Variants in EEF2KMT observed in about 807,000 individuals in gnomAD.
The protein encoded by EEF2KMT is protein-lysine N-methyltransferase EEF2KMT.
In EEF2KMT, 30 loss-of-function variants were observed where a neutral mutation model predicts 35.1. The observed-to-expected ratio is 0.85, with a 90% CI of 0.64 to 1.16. The LOEUF (loss-of-function observed/expected upper bound fraction) is 1.16, where lower values mean the gene tolerates loss of function less well. EEF2KMT is among the 50% of genes most tolerant of loss of function. The probability of loss-of-function intolerance (pLI) is 0.00; values close to 1 mark genes in which losing one functional copy is unlikely to be tolerated. For missense variants in EEF2KMT, 499 were observed against 438.2 expected (o/e 1.14, Z -1.24); for synonymous variants, 190 against 187.7 (o/e 1.01, Z -0.10).
At chr16:5,091,040 A>T (rs1018670302) in intron 4 of EEF2KMT, among the ~76,000 whole-genome samples, 1 of 151,606 alleles carries the variant, frequency 6.6e-6, no homozygotes, top group African/African-American at 2.4e-5. Context: ...TCAGCCGCCC[A>T]GGTAGCTGCG....
intron 7 of EEF2KMT, among the ~76,000 whole-genome samples, chr16:5,087,531 G>C (rs1000952792): frequency 6.6e-6 from 1 of 152,178 alleles, no homozygotes; most frequent in East Asian, 1.9e-4. Flanking sequence ...GGGCGCAGTA[G>C]CTCACGCCCG....
rs201284490 is a variant in EEF2KMT, at chr16:5,091,892, C to T, written c.244G>A (p.Glu82Lys). ...TCCAAAGGCTCTGTGTGGACAGCCT[C>T]GTGCTGGGGGCAGACAGAGTGAGAG... ...CFLSELIKKH[E>K]AVHTEPLDEL... The change falls in exon 4 of 8, where the codon GAG (glutamate) becomes AAG (lysine). Residue 82 changes from glutamate to lysine, a missense_variant. By Grantham distance (56) the Glu-to-Lys change is moderately conservative (BLOSUM62 1). Coordinates refer to ENST00000427587, the MANE Select transcript of EEF2KMT (RefSeq NM_201400.4). 301 of 1,611,808 alleles carry T rather than the reference C, an allele frequency of 1.9e-4. 3 individuals are homozygous for T. The highest frequency in any genetic ancestry group is 1.7e-3 in the South Asian group (152 of 90,978).
Position 5,085,695 on chromosome 16 carries a change from A to G in EEF2KMT, c.930T>C (p.His310=), listed in dbSNP as rs1301894696. ...CTTCGTAGGGAAACAGTTTCTGCTC[A>G]TGACGAGGTTCCACTTCCCATCTGA... The part of the protein sequence containing the change: ...AGIRWEVEPR[H]EQKLFPYEEH... Residue 310 remains histidine, a synonymous_variant, in exon 8 of 8, where the codon CAT becomes CAC. Transcript: ENST00000427587. The G allele has an allele frequency of 2.5e-6, 4 of 1,611,798 alleles. No individual in the cohort carries two copies. The highest frequency in any genetic ancestry group is 3.4e-6 in the Non-Finnish European group (4 of 1,179,804).
Position 5,085,605 on chromosome 16 carries a change from C to G in EEF2KMT, c.*27G>C. ...TCCCATGAGAGTGACTTGATTCTCA[C>G]AATCCCGTTGGAGTCGTGTGTGAGT... On this transcript the variant is annotated 3_prime_UTR_variant, in exon 8 of 8. Transcript: ENST00000427587. The G allele has an allele frequency of 6.7e-7, 1 of 1,489,338 alleles. No homozygotes were observed. Among genetic ancestry groups the G allele is most frequent in the East Asian group, 2.3e-5 (1 of 44,300 alleles). 92.3% of individuals were successfully genotyped at this position (1,489,338 alleles called of 1,614,324 possible).
At chr16:5,095,959 C>T (rs1347359554) in intron 1 of EEF2KMT, among the ~76,000 whole-genome samples, 9 of 152,090 alleles carry the variant, frequency 5.9e-5, no homozygotes, top group Non-Finnish European at 1.3e-4. Context: ...TGGTATGTGA[C>T]ACAGGGCAAG....
Position 5,085,673 on chromosome 16 carries a change from C to T in EEF2KMT, c.952G>A (p.Glu318Lys), listed in dbSNP as rs867696905. Reference sequence around the variant, plus strand: ...AGCATTGCCATCTCCAAGTGCTCTTCGTAGGGAAACAGTTTCTGCTCATGA... The same window carrying T: ...AGCATTGCCATCTCCAAGTGCTCTTTGTAGGGAAACAGTTTCTGCTCATGA... ...PRHEQKLFPYEEHLEMAMLNL... is the reference protein window; with the variant it reads ...PRHEQKLFPYKEHLEMAMLNL... Residue 318 changes from glutamate to lysine, a missense_variant, in exon 8 of 8, where the codon GAA (glutamate) becomes AAA (lysine). By Grantham distance (56) the Glu-to-Lys change is moderately conservative. Transcript: ENST00000427587. The T allele has an allele frequency of 5.0e-6, 8 of 1,611,672 alleles. No individual in the cohort carries two copies. Among genetic ancestry groups the T allele is most frequent in the East Asian group, 4.5e-5 (2 of 44,886 alleles).
chr16:5,091,630 C>G (rs145071735), intron 4 of EEF2KMT, among the ~76,000 whole-genome samples, 164 bp downstream of exon 4: 38 of 152,312 alleles, frequency 2.5e-4, no homozygotes, highest in African/African-American at 8.7e-4. Context: ...GTTGAAGTGC[C>G]TGATTTACAG....
chr16:5,091,902 G>T lies in EEF2KMT; in HGVS notation c.241-7C>A, dbSNP rs1567180198. ...CTGTGTGGACAGCCTCGTGCTGGGGGCAGACAGAGTGAGAGCTTGTTTGCT... is the reference window on the plus strand; with the variant it reads ...CTGTGTGGACAGCCTCGTGCTGGGGTCAGACAGAGTGAGAGCTTGTTTGCT... On this transcript the variant is annotated splice_region_variant and splice_polypyrimidine_tract_variant and intron_variant, in intron 3 of 7. Transcript: ENST00000427587. 1 of 1,611,706 alleles carries T rather than the reference G, an allele frequency of 6.2e-7. No individual in the cohort carries two copies. The highest frequency in any genetic ancestry group is 1.7e-5 in the Admixed American group (1 of 59,992).
intron 3 of EEF2KMT, among the ~76,000 whole-genome samples, chr16:5,092,617 G>A (rs2142772120): frequency 6.6e-6 from 1 of 152,324 alleles, no homozygotes; most frequent in South Asian, 2.1e-4. Flanking sequence ...GCCTACTGAG[G>A]AGGCCTCTCG....
intron 6 of EEF2KMT, 149 bp downstream of exon 6, chr16:5,089,935 G>A (rs1957304823): frequency 2.1e-6 from 3 of 1,415,092 alleles, no homozygotes; most frequent in Middle Eastern, 2.5e-4. Context: ...CCTGTCCTGT[G>A]ATGTCACCCT....
intron 7 of EEF2KMT, among the ~76,000 whole-genome samples, chr16:5,088,530 G>A (rs1170407379): frequency 1.2e-4 from 18 of 152,254 alleles, no homozygotes; most frequent in African/African-American, 3.9e-4. Flanking sequence ...GCGGGAGCTC[G>A]GGGGTCTCTT....
At chr16:5,093,425 C>T in intron 3 of EEF2KMT, 59 bp downstream of exon 3, 2 of 1,610,212 alleles carry the variant, frequency 1.2e-6, no homozygotes, top group Admixed American at 1.7e-5. Flanking sequence ...AGGACGGGGG[C>T]TCCAGCACGC....
intron 7 of EEF2KMT, 25 bp downstream of exon 7, chr16:5,089,082 G>A (rs963865129): frequency 6.2e-7 from 1 of 1,611,838 alleles, no homozygotes; most frequent in Admixed American, 1.7e-5. Context: ...GGACCATGCA[G>A]GCCCGGGTGG....
Position 5,090,700 on chromosome 16 carries a change from G to C in EEF2KMT, c.343-135C>G. 1 of 1,235,572 alleles carries C rather than the reference G, an allele frequency of 8.1e-7. No homozygotes were observed. Among genetic ancestry groups the C allele is most frequent in the Non-Finnish European group, 1.1e-6 (1 of 880,988 alleles). 76.5% of individuals were successfully genotyped at this position (1,235,572 alleles called of 1,614,324 possible). On this transcript the variant is annotated intron_variant, in intron 4 of 7. Transcript: ENST00000427587. This position sits in a 1 kb window ranked among gnomAD's most constrained non-coding sequence, Gnocchi z 4.1. ...ACTCAGCAATGAGAAGCAGCTAACT[G>C]TTGGCATGCCAACAGCTTTCACGGG...
rs571859748 is a variant in EEF2KMT, at chr16:5,091,954, G to A, written c.241-59C>T. 5.0e-4 allele frequency: 807 copies of A among 1,605,124 alleles called. 5 individuals are homozygous for A. In the African/African-American group the frequency reaches 9.8e-3, roughly 19 times the overall value. On this transcript the variant is annotated intron_variant, in intron 3 of 7. Transcript: ENST00000427587. Reference sequence around the variant, plus strand: ...TCGTTCTAATCTGTAAAAATGGCCAGATGATTTTCACCAAGTTTGGAGGGG... The same window carrying A: ...TCGTTCTAATCTGTAAAAATGGCCAAATGATTTTCACCAAGTTTGGAGGGG...
Position 5,085,706 on chromosome 16 carries a change from C to G in EEF2KMT, c.919G>C (p.Glu307Gln). 1.9e-6 allele frequency: 3 copies of G among 1,611,766 alleles called. No individual in the cohort carries two copies. Among genetic ancestry groups the G allele is most frequent in the Non-Finnish European group, 2.5e-6 (3 of 1,179,712 alleles). The part of the protein sequence containing the change: ...LGRAGIRWEV[E>Q]PRHEQKLFPY... ...AACAGTTTCTGCTCATGACGAGGTT[C>G]CACTTCCCATCTGATCCCGGCCCGG... is the stretch of plus-strand genomic sequence containing the variant. Residue 307 changes from glutamate (E) to glutamine (Q), a missense_variant, in exon 8 of 8, where the codon GAA (glutamate) becomes CAA (glutamine). Physicochemically the swap from Glu to Gln is conservative, Grantham distance 29. Transcript: ENST00000427587.
intron 7 of EEF2KMT, among the ~76,000 whole-genome samples, chr16:5,088,733 G>A (rs543147440): frequency 2.2e-4 from 33 of 152,210 alleles, no homozygotes; most frequent in African/African-American, 7.5e-4. Flanking sequence ...TGGTGGATCC[G>A]CCTGTACATC....
In EEF2KMT at chr16:5,093,543, C is replaced by A; in HGVS notation, c.181G>T (p.Val61Leu). The change falls in exon 3 of 8, where the codon GTG becomes TTG. Residue 61 changes from valine (V) to leucine (L), a missense_variant. By Grantham distance (32) the Val-to-Leu change is conservative. Transcript: ENST00000427587. ...TATTTGACGGACGGCGGGTGCTTCA[C>A]ACACACAGGATGCTTCACAGTCTAC... ...LHKTVKHPVCVKHPPSVKYAR... is the reference protein window; with the variant it reads ...LHKTVKHPVCLKHPPSVKYAR... 2.5e-6 allele frequency: 4 copies of A among 1,612,018 alleles called. No individual in the cohort carries two copies. The highest frequency in any genetic ancestry group is 3.4e-6 in the Non-Finnish European group (4 of 1,179,852).
chr16:5,097,661 G>T lies in EEF2KMT; in HGVS notation c.79C>A (p.Arg27Ser), dbSNP rs568124050. Residue 27 changes from arginine to serine, a missense_variant, in exon 1 of 8, where the codon CGC becomes AGC. Transcript: ENST00000427587. Reference protein sequence around the residue: ...ERRFLAARTLRSFPWQSLEAK... With the variant: ...ERRFLAARTLSSFPWQSLEAK... ...CCGCCCACCTGCCAGGGGAAGGAGC[G>T]CAGTGTGCGTGCCGCCAGGAAGCGG... 1.9e-6 allele frequency: 3 copies of T among 1,574,298 alleles called. No homozygotes were observed. Among genetic ancestry groups the T allele is most frequent in the South Asian group, 2.3e-5 (2 of 86,762 alleles).
Sources: allele counts gnomAD v4.1 joint callset (sites outside exome capture counted in the v4.1 genomes callset), GRCh38; gene constraint gnomAD v4.1.1; non-coding constraint Gnocchi (gnomAD v3.1); transcripts MANE v1.5; gene names NCBI Gene and HGNC (gene_info 2026-07-23, HGNC 2026-07-21).